Variants in APPL2 observed in about 807,000 individuals in gnomAD.
The protein encoded by APPL2 is DCC-interacting protein 13-beta.
Under a neutral mutation model 92.7 loss-of-function variants are expected in APPL2, and 84 were observed. The observed-to-expected ratio is 0.91, with a 90% confidence interval of 0.76 to 1.09. The LOEUF is 1.09. Among genes scored for constraint, APPL2 ranks in the 50% least tolerant of loss-of-function variants. The pLI, the probability that APPL2 is intolerant of heterozygous loss-of-function variation, is 0.00. For synonymous variants in APPL2, 291 were observed against 291.0 expected (o/e 1.00, Z 0.00); for missense variants, 736 against 824.5 (o/e 0.89, Z 1.31).
chr12:105,198,964 C>T (rs766362067), intron 10 of APPL2, among the ~76,000 whole-genome samples: 2 of 152,214 alleles, frequency 1.3e-5, no homozygotes, highest in African/African-American at 4.8e-5. Flanking sequence ...ATGAATCGAA[C>T]TGACTCTAAA....
In APPL2 at chr12:105,217,363, T is replaced by C. The variant is rs1889774554; in HGVS notation, c.214-223A>G. Among the ~76,000 whole-genome samples, 3 of 152,214 alleles carry C rather than the reference T, an allele frequency of 2.0e-5. No individual in the cohort carries two copies. In the South Asian group the frequency reaches 6.2e-4, roughly 32 times the overall value. On this transcript the variant is annotated intron_variant, in intron 3 of 20. Transcript: ENST00000258530. ...CCTGGCCATTCCTTTCTGTCAAACA[T>C]ATTTTTTGACTTTATTTGAGTGTTT...
chr12:105,190,275 C>T, intron 14 of APPL2, 120 bp from the exon 15 acceptor site: 2 of 1,084,504 alleles, frequency 1.8e-6, no homozygotes, highest in Non-Finnish European at 2.6e-6. Context: ...ACCTCAATCC[C>T]TTAATCCATT....
At chr12:105,192,166 C>T (rs1001446921) in intron 14 of APPL2, among the ~76,000 whole-genome samples, 2 of 152,150 alleles carry the variant, frequency 1.3e-5, no homozygotes, top group African/African-American at 2.4e-5. Context: ...TGTCCTTTTC[C>T]GTCTACGCTT....
In APPL2 at chr12:105,188,269, G is replaced by A. The variant is rs759682022; in HGVS notation, c.1634+4C>T. ...AGAAAGTCTGAAAATAAAACTGAAC[G>A]TACCTCAAAGATTGACTGGTGACCA... On this transcript the variant is annotated splice_donor_region_variant and intron_variant, in intron 17 of 20. Transcript: ENST00000258530. 1.9e-5 allele frequency: 31 copies of A among 1,613,670 alleles called. No homozygotes were observed. Among genetic ancestry groups the A allele is most frequent in the Admixed American group, 8.3e-5 (5 of 59,998 alleles).
chr12:105,216,873 A>G (rs939338663), intron 4 of APPL2, among the ~76,000 whole-genome samples, 196 bp downstream of exon 4: 5 of 152,224 alleles, frequency 3.3e-5, no homozygotes, highest in African/African-American at 1.2e-4. Flanking sequence ...TATCGAAGCC[A>G]TTCCCCTCAA....
Position 105,188,281 on chromosome 12 carries a change from TTGAC to T in APPL2, c.1622_1625del (p.Ser541AsnfsTer3), listed in dbSNP as rs746857142. 6.2e-7 allele frequency: 1 copy of T among 1,614,122 alleles called. No individual in the cohort carries two copies. The highest frequency in any genetic ancestry group is 1.1e-5 in the South Asian group (1 of 91,066). ...AATAAAACTGAACGTACCTCAAAGA[TTGAC>T]TGGTGACCATCAGATGGGATTCTGT... On this transcript the variant is annotated frameshift_variant, in exon 17 of 21. Transcript: ENST00000258530. LOFTEE classifies it high-confidence loss of function.
chr12:105,208,970 T>G (rs530112396), intron 5 of APPL2, among the ~76,000 whole-genome samples: 1 of 152,220 alleles, frequency 6.6e-6, no homozygotes, highest in Non-Finnish European at 1.5e-5. Flanking sequence ...AGTTTTCAAT[T>G]TGCCTCCAAA....
At chr12:105,232,172 C>A (rs900181707) in intron 1 of APPL2, among the ~76,000 whole-genome samples, 6 of 152,184 alleles carry the variant, frequency 3.9e-5, no homozygotes, top group Admixed American at 2.0e-4. Context: ...CCTCCAAACA[C>A]AACCTCAGAG....
intron 17 of APPL2, among the ~76,000 whole-genome samples, chr12:105,181,913 G>C (rs956560692): frequency 6.6e-6 from 1 of 152,118 alleles, no homozygotes; most frequent in Non-Finnish European, 1.5e-5. Flanking sequence ...CAAAAAACCA[G>C]CTCCTGGATT....
chr12:105,209,909 T>C (rs1432572720), intron 5 of APPL2, among the ~76,000 whole-genome samples: 1 of 152,128 alleles, frequency 6.6e-6, no homozygotes, highest in Non-Finnish European at 1.5e-5. Context: ...CCTTGTTCCT[T>C]AGCCTCAGGT....
chr12:105,216,557 G>C (rs1374396347), intron 4 of APPL2, among the ~76,000 whole-genome samples: 4 of 152,138 alleles, frequency 2.6e-5, no homozygotes, highest in Non-Finnish European at 5.9e-5. Context: ...AGAAGACACA[G>C]AAGAGGAAAA....
chr12:105,179,819 G>T (rs1885934583), intron 17 of APPL2, among the ~76,000 whole-genome samples: 1 of 152,012 alleles, frequency 6.6e-6, no homozygotes, highest in South Asian at 2.1e-4. Flanking sequence ...TTTTTGACGG[G>T]GTTGTTTTAT....
intron 4 of APPL2, among the ~76,000 whole-genome samples, chr12:105,213,322 G>A (rs1889375243): frequency 6.6e-6 from 1 of 152,200 alleles, no homozygotes; most frequent in Non-Finnish European, 1.5e-5. Flanking sequence ...GCTAACCAGA[G>A]CACCTTCACT....
chr12:105,181,839 T>C (rs1011963297), intron 17 of APPL2, among the ~76,000 whole-genome samples: 3 of 152,220 alleles, frequency 2.0e-5, no homozygotes, highest in African/African-American at 7.2e-5. Context: ...TGTGTCTGTT[T>C]GATTCTTCTC....
intron 1 of APPL2, 43 bp from the exon 2 acceptor site, chr12:105,229,266 G>T (rs1273371243): frequency 2.6e-6 from 4 of 1,550,648 alleles, no homozygotes; most frequent in Non-Finnish European, 3.5e-6. Flanking sequence ...TTTCTAAGTG[G>T]AAAAGTTACA....
chr12:105,174,525 T>C (rs1248385070), intron 20 of APPL2, 77 bp from the exon 21 acceptor site: 2 of 1,483,608 alleles, frequency 1.3e-6, no homozygotes, highest in African/African-American at 2.8e-5. Flanking sequence ...TGGCTTTCAA[T>C]ATGTTCTGTA....
At chr12:105,203,108 A>G (rs545431023) in intron 9 of APPL2, among the ~76,000 whole-genome samples, 1 of 151,634 alleles carries the variant, frequency 6.6e-6, no homozygotes, top group Non-Finnish European at 1.5e-5. Context: ...GCGCTTGGGA[A>G]GCCCATGCTG....
chr12:105,207,251 G>A (rs376583690), intron 7 of APPL2, 44 bp from the exon 8 acceptor site: 20 of 1,566,212 alleles, frequency 1.3e-5, no homozygotes, highest in African/African-American at 2.7e-5. Context: ...TCTACTGTAC[G>A]TGACAATTCT....
chr12:105,222,078 C>G (rs369663650), intron 2 of APPL2, among the ~76,000 whole-genome samples: 1 of 152,156 alleles, frequency 6.6e-6, no homozygotes, highest in Non-Finnish European at 1.5e-5. Context: ...CTGGCGGTCA[C>G]GGGTCGCACT....
Sources: allele counts gnomAD v4.1 joint callset (sites outside exome capture counted in the v4.1 genomes callset), GRCh38; gene constraint gnomAD v4.1.1; transcripts MANE v1.5; gene names NCBI Gene and HGNC (gene_info 2026-07-23, HGNC 2026-07-21).